The following APP variants were observed in gnomAD, a reference collection of about 807,000 sequenced individuals.
The protein encoded by APP is amyloid-beta precursor protein.
A neutral mutation model predicts 101.4 loss-of-function variants in APP; 31 were observed. The observed-to-expected ratio is 0.31, with a 90% CI of 0.23 to 0.41. The LOEUF is 0.41. Among genes scored for constraint, APP ranks in the 10% least tolerant of loss-of-function variants. The pLI, the probability that APP is intolerant of heterozygous loss-of-function variation, is 1.00. For missense variants in APP, 839 were observed against 1,003.7 expected (o/e 0.84, Z 2.22); for synonymous variants, 366 against 364.4 (o/e 1.00, Z -0.05).
intron 13 of APP, among the ~76,000 whole-genome samples, chr21:25,924,411 CAAAAAA>C (rs551284093): frequency 3.5e-5 from 2 of 56,818 alleles, no homozygotes; most frequent in African/African-American, 1.4e-4. Flanking sequence ...TTTGCAAATA[CAAAAAA>C]AAAAAAAAAA....
intron 2 of APP, among the ~76,000 whole-genome samples, chr21:26,090,941 G>A (rs536034689): frequency 7.8e-4 from 119 of 152,288 alleles, no homozygotes; most frequent in African/African-American, 2.7e-3. Context: ...TTACTGTTGT[G>A]AATACATCAT....
chr21:26,102,808 T>G (rs1174267598), intron 2 of APP, among the ~76,000 whole-genome samples: 1 of 146,672 alleles, frequency 6.8e-6, no homozygotes, highest in African/African-American at 2.6e-5. Flanking sequence ...GAGAATCACT[T>G]GAGCCCAGGA....
At chr21:26,126,238 G>T (rs550498822) in intron 1 of APP, among the ~76,000 whole-genome samples, 2 of 152,324 alleles carry the variant, frequency 1.3e-5, no homozygotes, top group Middle Eastern at 6.8e-3. Flanking sequence ...GTTGTTCATA[G>T]CATGTAATTC....
rs529991800 is a variant in APP, at chr21:25,932,617, A to G, written c.1688-20655T>C. 2.0e-5 allele frequency among the ~76,000 whole-genome samples: 3 copies of G among 152,316 alleles called. No homozygotes were observed. The South Asian group carries it at 6.2e-4, about 32-fold the overall frequency. On this transcript the variant is annotated intron_variant, in intron 13 of 17. Transcript: ENST00000346798. The stretch of plus-strand genomic sequence containing the variant: ...GCTTCTGAGTCTTTGTTGAAAATTT[A>G]CACAAAATTCTAGAAATGTATTTTC...
intron 3 of APP, among the ~76,000 whole-genome samples, chr21:26,076,968 C>G (rs993336683): frequency 2.0e-5 from 3 of 150,396 alleles, no homozygotes; most frequent in Non-Finnish European, 4.4e-5. Flanking sequence ...GAGGCTGAGA[C>G]AGGAGAATGG....
At position 26,170,712 on chromosome 21, in the gene APP, C is replaced by G. The variant is rs1005906386; in HGVS notation, c.-92G>C. ...CCGCGCCGCCACCGCCGCCGTCTCCCGGGGCCCCCGCGCACGCTCCTCCGC... is the reference window on the plus strand; with the variant it reads ...CCGCGCCGCCACCGCCGCCGTCTCCGGGGGCCCCCGCGCACGCTCCTCCGC... On this transcript the variant is annotated 5_prime_UTR_variant, in exon 1 of 18. Coordinates refer to ENST00000346798, the MANE Select transcript of APP (RefSeq NM_000484.4). 10 of 1,331,936 alleles carry G rather than the reference C, an allele frequency of 7.5e-6. No individual in the cohort carries two copies. The highest frequency in any genetic ancestry group is 7.9e-6 in the Non-Finnish European group (8 of 1,018,364). 82.5% of individuals were successfully genotyped at this position (1,331,936 alleles called of 1,614,324 possible).
At chr21:26,070,605 A>G (rs759150547) in intron 3 of APP, among the ~76,000 whole-genome samples, 14 of 152,226 alleles carry the variant, frequency 9.2e-5, no homozygotes, top group Non-Finnish European at 1.8e-4. Context: ...CTACCACTTA[A>G]GTCTTTATTA....
chr21:26,170,936 C>T (rs1862158117), upstream of APP: 1 of 266,510 alleles, frequency 3.8e-6, no homozygotes, highest in Non-Finnish European at 7.0e-6. Context: ...GCGCCCTTGG[C>T]GCCGCCTGCA....
At chr21:26,030,664 C>T (rs977748026) in intron 5 of APP, among the ~76,000 whole-genome samples, 1 of 152,078 alleles carries the variant, frequency 6.6e-6, no homozygotes, top group Non-Finnish European at 1.5e-5. Context: ...GCTTTATGAA[C>T]CAACTAGAAT....
At chr21:25,957,733 T>C (rs2041385928) in intron 11 of APP, among the ~76,000 whole-genome samples, 1 of 151,648 alleles carries the variant, frequency 6.6e-6, no homozygotes, top group South Asian at 2.1e-4. Context: ...AAAGTAAGGA[T>C]TGCTTTGGGA....
intron 5 of APP, among the ~76,000 whole-genome samples, chr21:26,023,742 G>T (rs1167784798): frequency 6.6e-6 from 1 of 152,232 alleles, no homozygotes; most frequent in African/African-American, 2.4e-5. Context: ...AGGTGCCTGT[G>T]GCAGTTTCTA....
rs1291940459 is a variant in APP at position 26,074,528 on chromosome 21, A to T, written c.355+15415T>A. Among the ~76,000 whole-genome samples, 6 of 152,236 alleles carry T rather than the reference A, an allele frequency of 3.9e-5. No homozygotes were observed. The South Asian group carries it at 1.0e-3, about 26-fold the overall frequency. ...TCCAGCACTAGGCCGAGGCGGGCAG[A>T]TCTGTTGAGGTCAGGAGATCGAGAC... On this transcript the variant is annotated intron_variant, in intron 3 of 17. Coordinates refer to ENST00000346798, the MANE Select transcript of APP (RefSeq NM_000484.4).
At chr21:26,073,093 C>T (rs2061436870) in intron 3 of APP, among the ~76,000 whole-genome samples, 1 of 152,080 alleles carries the variant, frequency 6.6e-6, no homozygotes, top group Non-Finnish European at 1.5e-5. Context: ...ATCATCAATG[C>T]AGGCCTCTGA....
At chr21:26,093,783 A>T (rs2061877498) in intron 2 of APP, among the ~76,000 whole-genome samples, 1 of 152,138 alleles carries the variant, frequency 6.6e-6, no homozygotes, top group Non-Finnish European at 1.5e-5. Flanking sequence ...AACACCAACA[A>T]TGACAATTGT....
At chr21:26,048,112 C>T (rs979183281) in intron 5 of APP, among the ~76,000 whole-genome samples, 1 of 151,268 alleles carries the variant, frequency 6.6e-6, no homozygotes, top group African/African-American at 2.4e-5. Flanking sequence ...GTCAGGAGTT[C>T]GAGATCAGCC....
chr21:25,888,778 A>T (rs1280713912), intron 17 of APP, among the ~76,000 whole-genome samples: 2 of 151,994 alleles, frequency 1.3e-5, no homozygotes, highest in African/African-American at 4.8e-5. Flanking sequence ...TGACTAAAAA[A>T]AGAGCGTTTT....
At chr21:25,934,803 A>G (rs1422227934) in intron 13 of APP, 1 of 152,236 alleles carries the variant, frequency 6.6e-6, no homozygotes, top group African/African-American at 2.4e-5. Flanking sequence ...CACGAGCTCT[A>G]TGATAATAGT....
chr21:26,038,678 T>C (rs1355747004), intron 5 of APP, among the ~76,000 whole-genome samples: 1 of 152,014 alleles, frequency 6.6e-6, no homozygotes, highest in East Asian at 1.9e-4. Flanking sequence ...GTAGGAGAAT[T>C]GCTTGAACTC....
chr21:26,050,436 C>G (rs1237878288), intron 5 of APP, among the ~76,000 whole-genome samples: 3 of 151,834 alleles, frequency 2.0e-5, no homozygotes, highest in African/African-American at 7.3e-5. Flanking sequence ...ACTAAGCTCC[C>G]TAAGAAAAAG....
Sources: gnomAD v4.1 joint callset for allele counts (sites outside exome capture counted in the v4.1 genomes callset) on GRCh38, gnomAD v4.1.1 for gene constraint, MANE v1.5 for transcripts, NCBI Gene and HGNC (gene_info 2026-07-23, HGNC 2026-07-21) for gene names.